The following SUGCT variants were observed in gnomAD, a reference collection of about 807,000 sequenced individuals.
SUGCT encodes succinyl-CoA:glutarate CoA-transferase.
In SUGCT, 41 loss-of-function variants were observed where a neutral mutation model predicts 55.0. That is an observed-to-expected ratio of 0.74 (90% CI 0.58 to 0.97). The LOEUF (loss-of-function observed/expected upper bound fraction) is 0.97. Among genes scored for constraint, SUGCT ranks in the 50% least tolerant of loss-of-function variants. SUGCT has a pLI of 0.00. For missense variants in SUGCT, 568 were observed against 547.8 expected, an observed-to-expected ratio of 1.04 and a Z score of -0.37; for synonymous variants, 187 against 200.4, an observed-to-expected ratio of 0.93 and a Z score of 0.56.
At chr7:40,489,213 T>C (rs1318560911) in intron 11 of SUGCT, among the ~76,000 whole-genome samples, 1 of 151,994 alleles carries the variant, frequency 6.6e-6, no homozygotes, top group African/African-American at 2.4e-5. Flanking sequence ...TTTCTTCTAC[T>C]TGGTTAATTC....
At chr7:40,525,245 A>G (rs1366326806) in intron 12 of SUGCT, among the ~76,000 whole-genome samples, 1 of 152,182 alleles carries the variant, frequency 6.6e-6, no homozygotes, top group African/African-American at 2.4e-5. Flanking sequence ...AGGGATGAAG[A>G]AGAGTTACTG....
intron 12 of SUGCT, among the ~76,000 whole-genome samples, chr7:40,610,034 AAAT>A (rs1409810832): frequency 6.6e-6 from 1 of 152,174 alleles, no homozygotes; most frequent in Non-Finnish European, 1.5e-5. Context: ...CTTGTTCATC[AAAT>A]AATAATAATA....
chr7:40,733,207 C>A (rs1480303363), intron 12 of SUGCT, among the ~76,000 whole-genome samples: 1 of 152,178 alleles, frequency 6.6e-6, no homozygotes, highest in African/African-American at 2.4e-5. Flanking sequence ...ATCTCTACCC[C>A]TCTGCCCCAC....
intron 13 of SUGCT, among the ~76,000 whole-genome samples, chr7:40,775,180 C>T (rs1159341085): frequency 6.6e-6 from 1 of 152,188 alleles, no homozygotes; most frequent in African/African-American, 2.4e-5. Context: ...ATGTGCTTTA[C>T]CATCTGTAAA....
intron 13 of SUGCT, among the ~76,000 whole-genome samples, chr7:40,832,158 T>C (rs934373710): frequency 1.3e-5 from 2 of 151,608 alleles, no homozygotes; most frequent in Non-Finnish European, 1.5e-5. Flanking sequence ...AGAGCACTCA[T>C]GAGATAGGTG....
intron 12 of SUGCT, among the ~76,000 whole-genome samples, chr7:40,586,051 T>A (rs1425463471): frequency 6.6e-6 from 1 of 152,164 alleles, no homozygotes; most frequent in Admixed American, 6.6e-5. Flanking sequence ...TTTCTTCTTT[T>A]AAATTTTTTT....
At chr7:40,763,641 A>G (rs1297500312) in intron 13 of SUGCT, among the ~76,000 whole-genome samples, 1 of 152,102 alleles carries the variant, frequency 6.6e-6, no homozygotes, top group Non-Finnish European at 1.5e-5. Flanking sequence ...TTGCACAGAG[A>G]ATGAGATTGG....
the SUGCT span, among the ~76,000 whole-genome samples, chr7:40,889,798 C>G: frequency 2.6e-5 from 4 of 152,154 alleles, no homozygotes; most frequent in Admixed American, 6.5e-5. Flanking sequence ...CAGGAAAAGA[C>G]TATCCCTGTT....
At chr7:40,649,405 G>C in intron 12 of SUGCT, among the ~76,000 whole-genome samples, 1 of 152,062 alleles carries the variant, frequency 6.6e-6, no homozygotes, top group Non-Finnish European at 1.5e-5. Context: ...TACAGATGGG[G>C]GGGGAAGGAT....
rs868646067 is a variant in SUGCT, at chr7:40,413,794, G to A, written c.817-35493G>A. ...CATAAAAAGAATGCACAAATGGCTA[G>A]TGACAACATAAAAAAAACTTTCAAT... On this transcript the variant is annotated intron_variant, in intron 9 of 13. Transcript: ENST00000335693. 4.6e-5 allele frequency among the ~76,000 whole-genome samples: 7 copies of A among 152,244 alleles called. 1 individual carries two copies. In the Middle Eastern group the frequency reaches 0.014, roughly 296 times the overall value.
intron 13 of SUGCT, among the ~76,000 whole-genome samples, chr7:40,810,966 T>C (rs1385461130): frequency 6.6e-6 from 1 of 152,172 alleles, no homozygotes; most frequent in Non-Finnish European, 1.5e-5. Flanking sequence ...TCCAGTTTCA[T>C]TCTTCTGTAT....
intron 3 of SUGCT, among the ~76,000 whole-genome samples, chr7:40,182,286 G>C (rs1215787868): frequency 6.6e-6 from 1 of 152,180 alleles, no homozygotes; most frequent in East Asian, 1.9e-4. Context: ...AGAAGCTGAG[G>C]CTGGGCACAG....
intron 8 of SUGCT, among the ~76,000 whole-genome samples, chr7:40,314,487 G>C (rs1033150848): frequency 6.6e-6 from 1 of 150,788 alleles, no homozygotes; most frequent in Non-Finnish European, 1.5e-5. Flanking sequence ...AAAGAGACCT[G>C]AGAAGTCAGA....
intron 9 of SUGCT, among the ~76,000 whole-genome samples, chr7:40,350,620 C>T (rs552678610): frequency 5.3e-5 from 8 of 151,926 alleles, no homozygotes; most frequent in Admixed American, 2.0e-4. Flanking sequence ...CATGAGCCAC[C>T]GTGCCTGGCC....
In SUGCT at chr7:40,248,250, A is replaced by G. The variant is rs138771414; in HGVS notation, c.576+10524A>G. On this transcript the variant is annotated intron_variant, in intron 7 of 13. Transcript: ENST00000335693. Reference sequence around the variant, plus strand: ...GGTCTCAAACTCCTGACCTCAGGTGATCTGCCCATCTGAGCCTCCCAAAGT... The same window carrying G: ...GGTCTCAAACTCCTGACCTCAGGTGGTCTGCCCATCTGAGCCTCCCAAAGT... Among the ~76,000 whole-genome samples, 218 of 152,232 alleles carry G rather than the reference A, an allele frequency of 1.4e-3. 3 individuals carry two copies. The highest frequency in any genetic ancestry group is 4.9e-3 in the African/African-American group (205 of 41,544).
intron 8 of SUGCT, among the ~76,000 whole-genome samples, chr7:40,285,212 T>G (rs1414325349): frequency 1.3e-5 from 2 of 152,138 alleles, no homozygotes; most frequent in African/African-American, 4.8e-5. Flanking sequence ...AAGTTCAAGA[T>G]ATAAAAGAAA....
chr7:41,008,851 C>G, the SUGCT span, among the ~76,000 whole-genome samples: 1 of 152,032 alleles, frequency 6.6e-6, no homozygotes, highest in Non-Finnish European at 1.5e-5. Context: ...GTGTGTCCCT[C>G]CTGCTGCCTC....
At chr7:40,492,307 TATTGATAATA>T (rs1280312595) in intron 11 of SUGCT, among the ~76,000 whole-genome samples, 1 of 152,166 alleles carries the variant, frequency 6.6e-6, no homozygotes, top group Non-Finnish European at 1.5e-5. Flanking sequence ...TTGTTTTTGT[TATTGATAATA>T]ATATGGAAGA....
At chr7:40,606,798 A>G (rs1314233797) in intron 12 of SUGCT, among the ~76,000 whole-genome samples, 2 of 152,218 alleles carry the variant, frequency 1.3e-5, no homozygotes, top group African/African-American at 4.8e-5. Context: ...AATAAACTCT[A>G]GATGAACTTG....
Sources: gnomAD v4.1 joint callset for allele counts (sites outside exome capture counted in the v4.1 genomes callset) on GRCh38, gnomAD v4.1.1 for gene constraint, MANE v1.5 for transcripts, NCBI Gene and HGNC (gene_info 2026-07-23, HGNC 2026-07-21) for gene names.